The following RFPL4AL1 variants were observed in gnomAD, a reference collection of about 807,000 sequenced individuals.
The protein encoded by RFPL4AL1 is ret finger protein-like 4A-like protein 1.
A neutral mutation model predicts 8.2 loss-of-function variants in RFPL4AL1; 2 were observed. The observed-to-expected ratio is 0.24, with a 90% CI of 0.10 to 0.77. The LOEUF (loss-of-function observed/expected upper bound fraction) is 0.77, where lower values mean the gene tolerates loss of function less well. RFPL4AL1 is among the 30% of genes least tolerant of loss of function. The pLI, the probability that RFPL4AL1 is intolerant of heterozygous loss-of-function variation, is 0.72. For missense variants in RFPL4AL1, 57 were observed against 350.3 expected (o/e 0.16, Z 6.68); for synonymous variants, 25 against 131.8 (o/e 0.19, Z 5.55).
intron 1 of RFPL4AL1, among the ~76,000 whole-genome samples, chr19:55,770,559 A>G (rs1009410346): frequency 6.6e-6 from 1 of 151,886 alleles, no homozygotes; most frequent in African/African-American, 2.4e-5. Context: ...GATTTTTTAG[A>G]ATTGGTGAGG....
At chr19:55,769,207 A>G (rs1989443244) in intron 1 of RFPL4AL1, 32 bp downstream of exon 1, 1 of 152,134 alleles carries the variant, frequency 6.6e-6, no homozygotes, top group Admixed American at 6.6e-5. Flanking sequence ...TCATTTTTAC[A>G]AAAGGCGTAT....
chr19:55,770,346 C>G (rs552896443), intron 1 of RFPL4AL1, among the ~76,000 whole-genome samples: 2 of 151,770 alleles, frequency 1.3e-5, no homozygotes, highest in African/African-American at 4.8e-5. Context: ...TGGATGCTGT[C>G]GGGAGAACGA....
chr19:55,769,760 T>C (rs1163013829), intron 1 of RFPL4AL1, among the ~76,000 whole-genome samples: 4 of 151,618 alleles, frequency 2.6e-5, no homozygotes, highest in Admixed American at 6.6e-5. Context: ...TATTTTCTGA[T>C]TCTATGAGAT....
In RFPL4AL1 at chr19:55,771,961, T is replaced by C. The variant is rs1442279547; in HGVS notation, c.157T>C (p.Ser53Pro). Reference sequence around the variant, plus strand: ...GGAAGGTTTACTGTGCCGTTTCTGCTCTGTGGTCTCTCAGAAGGATGACAT... The same window carrying C: ...GGAAGGTTTACTGTGCCGTTTCTGCCCTGTGGTCTCTCAGAAGGATGACAT... ...DGEGLLCRFCSVVSQKDDIKP... is the reference protein window; with the variant it reads ...DGEGLLCRFCPVVSQKDDIKP... Residue 53 changes from serine (S) to proline (P), a missense_variant, in exon 2 of 3, where the codon TCT (serine) becomes CCT (proline). Ser to Pro is a moderately conservative substitution (Grantham distance 74). Transcript: ENST00000341750. The C allele has an allele frequency of 6.5e-7, 1 of 1,531,844 alleles. No individual in the cohort carries two copies. Among genetic ancestry groups the C allele is most frequent in the Admixed American group, 2.1e-5 (1 of 48,566 alleles). The allele number at this position is 1,531,844 out of a possible 1,614,324, so 94.9% of individuals were successfully genotyped here.
Position 55,773,233 on chromosome 19 carries a change from A to C in RFPL4AL1, c.*54A>C, listed in dbSNP as rs1989539779. 1 of 1,151,026 alleles carries C rather than the reference A, an allele frequency of 8.7e-7. No individual in the cohort carries two copies. The highest frequency in any genetic ancestry group is 1.2e-6 in the Non-Finnish European group (1 of 807,600). The allele number at this position is 1,151,026 out of a possible 1,614,324, so 71.3% of individuals were successfully genotyped here. On this transcript the variant is annotated 3_prime_UTR_variant, in exon 3 of 3. Transcript: ENST00000341750. ...GAAGTTTCAGTGCCCCCATAGCCAT[A>C]GCTAAGAACTTTTCCGCTAGATACA...
At position 55,772,619 on chromosome 19, in the gene RFPL4AL1, G is replaced by T. The variant is rs762820463; in HGVS notation, c.304G>T (p.Val102Leu). The change falls in exon 3 of 3, where the codon GTG becomes TTG. Residue 102 changes from valine (V) to leucine (L), a missense_variant. Val to Leu is a conservative substitution (Grantham distance 32). Transcript: ENST00000341750. Reference sequence around the variant, plus strand: ...TTGCACAGTGGATATGACCTTCGATGTGGACACAGCCAACAACTATCTCAT... The same window carrying T: ...TTGCACAGTGGATATGACCTTCGATTTGGACACAGCCAACAACTATCTCAT... The part of the protein sequence containing the change: ...RKFQVDMTFD[V>L]DTANNYLIIS... 58 of 1,310,532 alleles carry T rather than the reference G, an allele frequency of 4.4e-5. 5 individuals carry two copies. The African/African-American group carries it at 8.6e-4, about 19-fold the overall frequency. 81.2% of individuals were successfully genotyped at this position (1,310,532 alleles called of 1,614,324 possible).
intron 1 of RFPL4AL1, among the ~76,000 whole-genome samples, chr19:55,771,078 T>TG (rs1441735085): frequency 4.8e-5 from 6 of 124,708 alleles, no homozygotes; most frequent in Admixed American, 1.1e-4. Context: ...CTTTTAGTTC[T>TG]GTTTTTTGTT....
chr19:55,771,079 G>GTTTTTTTT (rs1243816491), intron 1 of RFPL4AL1, among the ~76,000 whole-genome samples: 80 of 89,322 alleles, frequency 9.0e-4, no homozygotes, highest in South Asian at 1.9e-3. Context: ...TTTTAGTTCT[G>GTTTTTTTT]TTTTTTGTTT....
intron 1 of RFPL4AL1, among the ~76,000 whole-genome samples, chr19:55,771,086 GTTTTTTTT>G (rs74183507): frequency 7.7e-6 from 1 of 130,380 alleles, no homozygotes; most frequent in African/African-American, 3.1e-5. Flanking sequence ...TCTGTTTTTT[GTTTTTTTT>G]TTTTTTTTTT....
At chr19:55,769,666 C>T (rs1433044467) in intron 1 of RFPL4AL1, among the ~76,000 whole-genome samples, 2 of 151,826 alleles carry the variant, frequency 1.3e-5, no homozygotes, top group Non-Finnish European at 2.9e-5. Flanking sequence ...CTGGGACCCA[C>T]CTCTTCCAGG....
rs770470904 is a variant in RFPL4AL1 at position 55,772,129 on chromosome 19, C to T, written c.286+39C>T. 1.7e-5 allele frequency: 25 copies of T among 1,480,736 alleles called. 3 individuals are homozygous for T. The highest frequency in any genetic ancestry group is 4.5e-5 in the Admixed American group (2 of 44,834). The allele number at this position is 1,480,736 out of a possible 1,614,324, so 91.7% of individuals were successfully genotyped here. On this transcript the variant is annotated intron_variant, in intron 2 of 2. Transcript: ENST00000341750. ...AGGACCTGCCACAACCCATAAAAGG[C>T]ACTGGGAAAACGACTTTCAAACATT...
chr19:55,771,541 A>G (rs1363026006), intron 1 of RFPL4AL1, among the ~76,000 whole-genome samples: 1 of 150,870 alleles, frequency 6.6e-6, no homozygotes, highest in Admixed American at 6.7e-5. Context: ...CCAGGTGTAG[A>G]CTCCTTTACT....
intron 1 of RFPL4AL1, among the ~76,000 whole-genome samples, chr19:55,771,189 C>T (rs1322497850): frequency 3.4e-5 from 5 of 145,200 alleles, no homozygotes; most frequent in African/African-American, 5.0e-5. Context: ...TCAGGGTTTT[C>T]ACCACATGCA....
chr19:55,769,425 G>T (rs4405651), intron 1 of RFPL4AL1, among the ~76,000 whole-genome samples: 34,625 of 148,838 alleles, frequency 0.23, 5,008 homozygotes, highest in African/African-American at 0.46. Flanking sequence ...TTTCTGAAAT[G>T]ATGGACAGAG....
chr19:55,769,922 A>AT (rs140614030), intron 1 of RFPL4AL1, among the ~76,000 whole-genome samples: 7,957 of 151,152 alleles, frequency 0.053, 567 homozygotes, highest in African/African-American at 0.18. Flanking sequence ...TCCAATGTAT[A>AT]TATCACCATT....
intron 1 of RFPL4AL1, among the ~76,000 whole-genome samples, chr19:55,769,948 C>T (rs1329310841): frequency 1.3e-5 from 2 of 151,954 alleles, no homozygotes; most frequent in African/African-American, 4.8e-5. Flanking sequence ...ATCTATTTTT[C>T]TCTCACAGAC....
In RFPL4AL1 at chr19:55,772,102, A is replaced by C. The variant is rs1449742983; in HGVS notation, c.286+12A>C. ...GAGGAAGTTTCAAGGTAAGGAATCT[A>C]TAGGACCTGCCACAACCCATAAAAG... On this transcript the variant is annotated intron_variant, in intron 2 of 2. Coordinates refer to ENST00000341750, the MANE Select transcript of RFPL4AL1 (RefSeq NM_001277397.2). The C allele has an allele frequency of 2.7e-6, 4 of 1,465,766 alleles. No homozygotes were observed. The South Asian group carries it at 4.9e-5, about 18-fold the overall frequency. 90.8% of individuals were successfully genotyped at this position (1,465,766 alleles called of 1,614,324 possible).
At chr19:55,770,241 G>C (rs1989465594) in intron 1 of RFPL4AL1, among the ~76,000 whole-genome samples, 1 of 151,942 alleles carries the variant, frequency 6.6e-6, no homozygotes, top group South Asian at 2.1e-4. Flanking sequence ...TCCTAGCAGA[G>C]AGGGGGTAAT....
rs578017434 is a variant in RFPL4AL1 at position 55,772,814 on chromosome 19, G to A, written c.499G>A (p.Val167Met). 107 of 1,548,916 alleles carry A rather than the reference G, an allele frequency of 6.9e-5. 2 individuals carry two copies. In the African/African-American group the frequency reaches 1.3e-3, roughly 18 times the overall value. Residue 167 changes from valine to methionine, a missense_variant, in exon 3 of 3, where the codon GTG becomes ATG. Transcript: ENST00000341750. ...VGTSQVWDVG[V>M]CKESVNRQGK... ...CACCAGCCAAGTGTGGGATGTGGGCGTGTGCAAGGAATCTGTCAACCGACA... is the reference window on the plus strand; with the variant it reads ...CACCAGCCAAGTGTGGGATGTGGGCATGTGCAAGGAATCTGTCAACCGACA...
Sources: gnomAD v4.1 joint callset for allele counts (sites outside exome capture counted in the v4.1 genomes callset) on GRCh38, gnomAD v4.1.1 for gene constraint, MANE v1.5 for transcripts, NCBI Gene and HGNC (gene_info 2026-07-23, HGNC 2026-07-21) for gene names.